MAD1L1: variants seen among roughly 807,000 people sequenced by gnomAD.
The protein encoded by MAD1L1 is mitotic spindle assembly checkpoint protein MAD1.
MAD1L1 carries 95 observed loss-of-function variants against 96.9 expected under a neutral mutation model. That is an observed-to-expected ratio of 0.98 (90% CI 0.83 to 1.16). The LOEUF is 1.16. MAD1L1 is among the 50% of genes most tolerant of loss of function. The probability of loss-of-function intolerance (pLI) is 0.00; values close to 1 mark genes in which losing one functional copy is unlikely to be tolerated. For missense variants in MAD1L1, 1,007 were observed against 954.4 expected, an observed-to-expected ratio of 1.06 and a Z score of -0.73; for synonymous variants, 473 against 396.6, an observed-to-expected ratio of 1.19 and a Z score of -2.29.
rs547701395 is a variant in MAD1L1 at position 2,156,501 on chromosome 7, G to A, written c.987-7263C>T. Among the ~76,000 whole-genome samples, 294 of 150,458 alleles carry A rather than the reference G, an allele frequency of 2.0e-3. 1 individual carries two copies. Among genetic ancestry groups the A allele is most frequent in the African/African-American group, 6.7e-3 (273 of 41,048 alleles). ...GTGATTCTTACACACAACTACTTCC[G>A]GAACTACCGATCATCTGCATAAATA... On this transcript the variant is annotated intron_variant, in intron 10 of 18. Transcript: ENST00000265854.
chr7:2,136,306 C>A (rs1312697242), intron 11 of MAD1L1, among the ~76,000 whole-genome samples: 1 of 152,192 alleles, frequency 6.6e-6, no homozygotes, highest in Non-Finnish European at 1.5e-5. Flanking sequence ...TAGGAGACAG[C>A]CAGCCCTGAG....
At chr7:2,186,537 G>C (rs888030785) in intron 10 of MAD1L1, among the ~76,000 whole-genome samples, 27 of 152,184 alleles carry the variant, frequency 1.8e-4, no homozygotes, top group African/African-American at 6.3e-4. Context: ...AGCAGAATTT[G>C]AAAAAGCAGA....
chr7:1,997,365 C>G (rs1781602559), intron 14 of MAD1L1, among the ~76,000 whole-genome samples: 1 of 152,224 alleles, frequency 6.6e-6, no homozygotes. Context: ...GTGGCTTCTC[C>G]ACACAAGCCC....
At chr7:1,837,468 T>G (rs773035002) in intron 18 of MAD1L1, among the ~76,000 whole-genome samples, 10 of 152,152 alleles carry the variant, frequency 6.6e-5, no homozygotes, top group Non-Finnish European at 1.5e-4. Context: ...AGAAAAGAAA[T>G]AAATGTCCGT....
chr7:1,970,610 A>T (rs987951143), intron 15 of MAD1L1, among the ~76,000 whole-genome samples: 15 of 152,218 alleles, frequency 9.9e-5, no homozygotes, highest in Non-Finnish European at 4.4e-5. Flanking sequence ...CTGAGATAAA[A>T]GGCGTGAGCC....
chr7:2,164,892 G>A (rs1032213683), intron 10 of MAD1L1, among the ~76,000 whole-genome samples: 1 of 152,178 alleles, frequency 6.6e-6, no homozygotes, highest in Non-Finnish European at 1.5e-5. Flanking sequence ...GCCCAGAGGA[G>A]GTGACAGTGG....
At chr7:2,212,034 G>T (rs1460315974) in intron 10 of MAD1L1, among the ~76,000 whole-genome samples, 1 of 152,218 alleles carries the variant, frequency 6.6e-6, no homozygotes, top group Non-Finnish European at 1.5e-5. Context: ...ACCTCCTCGA[G>T]ACCTGGCGCA....
intron 11 of MAD1L1, among the ~76,000 whole-genome samples, chr7:2,080,453 C>A (rs1188167937): frequency 6.6e-6 from 1 of 152,194 alleles, no homozygotes. Context: ...GCCGGCTCCC[C>A]GCCTCGGCCA....
At chr7:1,833,688 C>A (rs1782812406) in intron 18 of MAD1L1, among the ~76,000 whole-genome samples, 1 of 152,224 alleles carries the variant, frequency 6.6e-6, no homozygotes, top group Non-Finnish European at 1.5e-5. Context: ...CGCCTGTAAT[C>A]CCAGCACTTT....
intron 11 of MAD1L1, among the ~76,000 whole-genome samples, chr7:2,089,674 C>G (rs552355896): frequency 6.7e-5 from 10 of 148,434 alleles, no homozygotes; most frequent in African/African-American, 2.5e-4. Context: ...CCACCCCACA[C>G]GCCCACCCCA....
rs191604043 is a variant in MAD1L1 at position 2,090,830 on chromosome 7, C to T, written c.1074-21492G>A. Among the ~76,000 whole-genome samples, 9 of 152,308 alleles carry T rather than the reference C, an allele frequency of 5.9e-5. No homozygotes were observed. In the East Asian group the frequency reaches 1.2e-3, roughly 20 times the overall value. ...CCACCAGGCCCCTCCAGGCAGGCAACGTTACCTTTTGGGTACTCCACTCTT... is the reference window on the plus strand; with the variant it reads ...CCACCAGGCCCCTCCAGGCAGGCAATGTTACCTTTTGGGTACTCCACTCTT... On this transcript the variant is annotated intron_variant, in intron 11 of 18. Coordinates refer to ENST00000265854, the MANE Select transcript of MAD1L1 (RefSeq NM_001013836.2).
At chr7:2,083,908 C>T (rs979409466) in intron 11 of MAD1L1, among the ~76,000 whole-genome samples, 4 of 152,218 alleles carry the variant, frequency 2.6e-5, no homozygotes, top group East Asian at 1.9e-4. Flanking sequence ...GTGATTCCAG[C>T]GCAGTCAGAC....
At chr7:2,223,162 C>T (rs757583810) in intron 4 of MAD1L1, among the ~76,000 whole-genome samples, 4 of 152,236 alleles carry the variant, frequency 2.6e-5, no homozygotes, top group Non-Finnish European at 5.9e-5. Context: ...CTGAAAGGAG[C>T]TGGCACTCCC....
intron 12 of MAD1L1, among the ~76,000 whole-genome samples, chr7:2,039,326 G>A (rs1783578197): frequency 6.6e-6 from 1 of 152,236 alleles, no homozygotes; most frequent in South Asian, 2.1e-4. Flanking sequence ...GCTAGGAAGA[G>A]TCCTCTGTCG....
chr7:1,827,056 A>AG (rs1208709869), intron 18 of MAD1L1, among the ~76,000 whole-genome samples: 1 of 152,102 alleles, frequency 6.6e-6, no homozygotes, highest in African/African-American at 2.4e-5. Context: ...CCGCAGCCGG[A>AG]GGGGAGCCGA....
chr7:2,022,556 A>C (rs202088045), intron 12 of MAD1L1, among the ~76,000 whole-genome samples: 1 of 129,488 alleles, frequency 7.7e-6, no homozygotes, highest in Non-Finnish European at 1.6e-5. Flanking sequence ...TGTCTCCAAA[A>C]GAAAAAAAAA....
At chr7:1,901,157 C>T (rs1787219974) in intron 17 of MAD1L1, among the ~76,000 whole-genome samples, 3 of 152,176 alleles carry the variant, frequency 2.0e-5, no homozygotes, top group Admixed American at 6.5e-5. Flanking sequence ...TCGACGGAGT[C>T]GGTTCAGTTT....
chr7:2,209,270 C>T (rs1373449977), intron 10 of MAD1L1, among the ~76,000 whole-genome samples: 3 of 152,168 alleles, frequency 2.0e-5, no homozygotes, highest in Admixed American at 1.3e-4. Context: ...AGAGGGTGAC[C>T]AGGCCACTCT....
intron 12 of MAD1L1, among the ~76,000 whole-genome samples, chr7:2,018,855 T>C (rs1002987194): frequency 7.3e-6 from 1 of 137,168 alleles, no homozygotes; most frequent in Non-Finnish European, 1.6e-5. Context: ...CGAGGCCCAC[T>C]CTGCAAGGGC....
Sources: allele counts gnomAD v4.1 joint callset (sites outside exome capture counted in the v4.1 genomes callset), GRCh38; gene constraint gnomAD v4.1.1; transcripts MANE v1.5; gene names NCBI Gene and HGNC (gene_info 2026-07-23, HGNC 2026-07-21).